Variants in NFIB observed in about 807,000 individuals in gnomAD.
NFIB encodes the protein nuclear factor 1 B-type.
In NFIB, 11 loss-of-function variants were observed where a neutral mutation model predicts 61.5. That is an observed-to-expected ratio of 0.18 (90% CI 0.11 to 0.30). The LOEUF (loss-of-function observed/expected upper bound fraction) is 0.30, where lower values mean the gene tolerates loss of function less well. Ranked by LOEUF, NFIB falls within the 10% of genes least tolerant of loss-of-function variation. The pLI, the probability that NFIB is intolerant of heterozygous loss-of-function variation, is 1.00. For synonymous variants in NFIB, 260 were observed against 216.5 expected (o/e 1.20, Z -1.76); for missense variants, 471 against 608.9 (o/e 0.77, Z 2.38).
chr9:14,426,076 T>C, the NFIB span, among the ~76,000 whole-genome samples: 531 of 152,316 alleles, frequency 3.5e-3, 3 homozygotes, highest in Non-Finnish European at 3.1e-3. Context: ...GCGTTGGAGA[T>C]GGAGGTAGCT....
chr9:14,455,387 G>A, the NFIB span, among the ~76,000 whole-genome samples: 6 of 152,310 alleles, frequency 3.9e-5, no homozygotes, highest in Admixed American at 2.6e-4. Context: ...GTTCATGGAA[G>A]GGAGGGAAAA....
the NFIB span, among the ~76,000 whole-genome samples, chr9:14,444,364 G>A: frequency 3.9e-5 from 6 of 152,206 alleles, no homozygotes; most frequent in Admixed American, 6.5e-5. Flanking sequence ...TTTAGGTAAC[G>A]GTAAGTCATT....
At chr9:14,173,676 T>C (rs12340536) in intron 3 of NFIB, among the ~76,000 whole-genome samples, 8,855 of 152,216 alleles carry the variant, frequency 0.058, 785 homozygotes, top group African/African-American at 0.19. Context: ...CAAGGGCAAA[T>C]GGCTGTCTCT....
rs141101627 is a variant in NFIB at position 14,143,991 on chromosome 9, A to AGTGTGTGTGTGTGTGTGTGTGTGT, written c.925+2674_925+2697dup. ...AGGGTCTTCAGAATTAAAGTGACAG[A>AGTGTGTGTGTGTGTGTGTGTGTGT]GTGTGTGTGTGTGTGTGTGTGTGTG... On this transcript the variant is annotated intron_variant, in intron 6 of 10. Coordinates refer to ENST00000380953, the MANE Select transcript of NFIB (RefSeq NM_001190737.2). 1.4e-3 allele frequency among the ~76,000 whole-genome samples: 188 copies of AGTGTGTGTGTGTGTGTGTGTGTGT among 134,226 alleles called. 2 individuals are homozygous for AGTGTGTGTGTGTGTGTGTGTGTGT. Among genetic ancestry groups the AGTGTGTGTGTGTGTGTGTGTGTGT allele is most frequent in the South Asian group, 5.4e-3 (20 of 3,722 alleles). The allele number at this position is 134,226 out of a possible 152,430, so 88.1% of individuals were successfully genotyped here.
chr9:14,116,031 G>C lies in NFIB; in HGVS notation c.1384+177C>G, dbSNP rs895340681. On this transcript the variant is annotated intron_variant, in intron 9 of 10. Coordinates refer to ENST00000380953, the MANE Select transcript of NFIB (RefSeq NM_001190737.2). ...ATTTGAGAAGAGAGAGCCTGTGATAGCAGGGCCACATCCATGCCTGCTAGC... is the reference window on the plus strand; with the variant it reads ...ATTTGAGAAGAGAGAGCCTGTGATACCAGGGCCACATCCATGCCTGCTAGC... 1.3e-5 allele frequency: 8 copies of C among 631,678 alleles called. No individual in the cohort carries two copies. The East Asian group carries it at 2.7e-4, about 22-fold the overall frequency. The allele number at this position is 631,678 out of a possible 1,614,324, so 39.1% of individuals were successfully genotyped here.
chr9:14,127,210 G>A (rs2039775998), intron 6 of NFIB, among the ~76,000 whole-genome samples: 1 of 152,198 alleles, frequency 6.6e-6, no homozygotes, highest in Non-Finnish European at 1.5e-5. Flanking sequence ...ACTATACCAT[G>A]CAGTTTGTTG....
the NFIB span, among the ~76,000 whole-genome samples, chr9:14,438,699 G>A: frequency 6.6e-5 from 10 of 152,098 alleles, no homozygotes; most frequent in Non-Finnish European, 1.0e-4. Flanking sequence ...TGGAATACAC[G>A]GGCTTAACCT....
At chr9:14,208,782 CA>C (rs914614841) in intron 2 of NFIB, among the ~76,000 whole-genome samples, 15 of 151,922 alleles carry the variant, frequency 9.9e-5, no homozygotes, top group Admixed American at 2.6e-4. Flanking sequence ...AGCATATATT[CA>C]AAAAAATGCA....
At chr9:14,293,098 G>C (rs2059206240) in intron 2 of NFIB, among the ~76,000 whole-genome samples, 1 of 152,164 alleles carries the variant, frequency 6.6e-6, no homozygotes, top group South Asian at 2.1e-4. Context: ...GGGACACTTT[G>C]ACATCTGTTT....
In NFIB at chr9:14,085,089, G is replaced by A. The variant is rs981118013; in HGVS notation, c.*3220C>T. 7 of 229,020 alleles carry A rather than the reference G, an allele frequency of 3.1e-5. No individual in the cohort carries two copies. The highest frequency in any genetic ancestry group is 6.1e-5 in the Non-Finnish European group (7 of 115,440). The allele number at this position is 229,020 out of a possible 1,614,324, so 14.2% of individuals were successfully genotyped here. A position where few individuals can be genotyped will look rare whatever the true frequency, so the allele number is the denominator to read the frequency against. ...GATGATCTGTTTGCTACCAGGGCGA[G>A]TATCACAGAAATGATTGGACTTACT... On this transcript the variant is annotated 3_prime_UTR_variant, in exon 11 of 11. Transcript: ENST00000380953.
rs576771113 is a variant in NFIB, at chr9:14,352,234, C to T, written c.109-44714G>A. On this transcript the variant is annotated intron_variant, in intron 1 of 8. Coordinates refer to the NFIB transcript ENST00000380934. ...AAAGTAAAAGTCTCCTACCCTGCTC[C>T]GTCTCCTGGAATTACACTGATTTTT... Among the ~76,000 whole-genome samples, 356 of 150,938 alleles carry T rather than the reference C, an allele frequency of 2.4e-3. 1 individual carries two copies. The highest frequency in any genetic ancestry group is 0.01 in the Middle Eastern group (3 of 294).
intron 2 of NFIB, among the ~76,000 whole-genome samples, chr9:14,208,542 G>A (rs1283523242): frequency 1.3e-5 from 2 of 150,244 alleles, no homozygotes; most frequent in Non-Finnish European, 3.0e-5. Context: ...TCATTTTCCT[G>A]GTATTTTTAC....
intron 2 of NFIB, among the ~76,000 whole-genome samples, chr9:14,306,384 T>C (rs542355670): frequency 1.5e-4 from 23 of 152,328 alleles, no homozygotes; most frequent in African/African-American, 5.1e-4. Context: ...ACAGTGAATA[T>C]TGCACAATCA....
At chr9:14,219,826 G>C (rs1325725893) in intron 2 of NFIB, among the ~76,000 whole-genome samples, 1 of 152,162 alleles carries the variant, frequency 6.6e-6, no homozygotes, top group African/African-American at 2.4e-5. Flanking sequence ...TGGAATTAAA[G>C]CTATGGTGAA....
At chr9:14,128,287 T>C (rs1415865638) in intron 6 of NFIB, among the ~76,000 whole-genome samples, 3 of 152,244 alleles carry the variant, frequency 2.0e-5, no homozygotes, top group African/African-American at 7.2e-5. Flanking sequence ...GAACTTTTTA[T>C]TGATACTCTT....
chr9:14,330,534 A>G (rs1392203200), intron 1 of NFIB, among the ~76,000 whole-genome samples: 2 of 152,246 alleles, frequency 1.3e-5, no homozygotes, highest in Non-Finnish European at 2.9e-5. Flanking sequence ...TATACCATCT[A>G]AGAATGATGA....
chr9:14,137,334 T>C (rs2041173516), intron 6 of NFIB, among the ~76,000 whole-genome samples: 1 of 152,194 alleles, frequency 6.6e-6, no homozygotes, highest in African/African-American at 2.4e-5. Context: ...AAGCAAAATA[T>C]ACGGGGCCTC....
At chr9:14,229,241 A>C (rs1399930820) in intron 2 of NFIB, among the ~76,000 whole-genome samples, 2 of 152,214 alleles carry the variant, frequency 1.3e-5, no homozygotes, top group South Asian at 4.1e-4. Flanking sequence ...TTGAACCAAT[A>C]ACATATTAGG....
rs545797925 is a variant in NFIB, at chr9:14,294,588, CAAA to C, written c.562+12398_562+12400del. On this transcript the variant is annotated intron_variant, in intron 2 of 10. Transcript: ENST00000380953. ...CTGCTACTAAACACCAGTGTGTTAT[CAAA>C]AAGAAAAGGAATGCCACAGATTATT... 1.3e-4 allele frequency among the ~76,000 whole-genome samples: 20 copies of C among 152,216 alleles called. No individual in the cohort carries two copies. In the South Asian group the frequency reaches 3.7e-3, roughly 28 times the overall value.
Sources: gnomAD v4.1 joint callset for allele counts (sites outside exome capture counted in the v4.1 genomes callset) on GRCh38, gnomAD v4.1.1 for gene constraint, MANE v1.5 for transcripts, NCBI Gene and HGNC (gene_info 2026-07-23, HGNC 2026-07-21) for gene names.